MAX: variants seen among roughly 807,000 people sequenced by gnomAD.
MAX encodes the protein protein max.
Under a neutral mutation model 22.3 loss-of-function variants are expected in MAX, and 3 were observed. The ratio of observed to expected loss-of-function variants is 0.13; its 90% CI spans 0.06 to 0.35. MAX has a LOEUF of 0.35. Ranked by LOEUF, MAX falls within the 10% of genes least tolerant of loss-of-function variation. The pLI is 1.00. For missense variants in MAX, 119 were observed against 209.4 expected (o/e 0.57, Z 2.66); for synonymous variants, 72 against 77.7 (o/e 0.93, Z 0.39).
At position 65,062,174 on chromosome 14, in the gene MAX, T is replaced by C. The variant is rs11848817; in HGVS notation, c.171+31534A>G. 34,667 of 152,172 alleles carry C rather than the reference T, an allele frequency of 0.23. 7,200 individuals carry two copies. Among genetic ancestry groups the C allele is most frequent in the African/African-American group, 0.56 (23,103 of 41,286 alleles). 9.4% of individuals were successfully genotyped at this position (152,172 alleles called of 1,614,324 possible). The stretch of plus-strand genomic sequence containing the variant: ...AGGCCCTTCTGGGGGTTTCTATCTT[T>C]CTTCCACCAGACTCCAAGCCCACTC... On this transcript the variant is annotated intron_variant, in intron 3 of 3. Transcript: ENST00000341653. The surrounding 1 kb of genome is among the most constrained non-coding windows in gnomAD (Gnocchi z 4.3).
At chr14:65,066,351 C>A (rs992641215) in intron 3 of MAX, among the ~76,000 whole-genome samples, 3 of 152,200 alleles carry the variant, frequency 2.0e-5, no homozygotes, top group African/African-American at 4.8e-5. Context: ...CTCACACTTT[C>A]CTGCAGTAAC....
chr14:65,010,475 C>T (rs192918108), intron 3 of MAX, among the ~76,000 whole-genome samples: 6 of 152,352 alleles, frequency 3.9e-5, no homozygotes, highest in Admixed American at 3.3e-4. Flanking sequence ...ATCCAAAAGT[C>T]AGCTGATCAC....
intron 3 of MAX, among the ~76,000 whole-genome samples, chr14:65,065,480 C>T (rs991647936): frequency 1.3e-5 from 2 of 152,138 alleles, no homozygotes; most frequent in Non-Finnish European, 2.9e-5. Flanking sequence ...CCTAGATGGC[C>T]TACCCTACCG....
Position 65,060,889 on chromosome 14 carries a change from A to C in MAX, c.171+32819T>G, listed in dbSNP as rs58801925. On this transcript the variant is annotated intron_variant, in intron 3 of 3. Transcript: ENST00000341653. ...CTCTCTCAAAAAAAAAAAAAAAAAA[A>C]AAAAAACAGTTTGAGATAGTATTGT... Among the ~76,000 whole-genome samples, 22 of 144,450 alleles carry C rather than the reference A, an allele frequency of 1.5e-4. No homozygotes were observed. In the East Asian group the frequency reaches 1.7e-3, roughly 11 times the overall value. The allele number at this position is 144,450 out of a possible 152,430, so 94.8% of individuals were successfully genotyped here. A position where few individuals can be genotyped will look rare whatever the true frequency, so the allele number is the denominator to read the frequency against.
At chr14:65,097,532 T>C (rs2063706677) in intron 2 of MAX, among the ~76,000 whole-genome samples, 1 of 152,212 alleles carries the variant, frequency 6.6e-6, no homozygotes, top group African/African-American at 2.4e-5. Context: ...ACCATCTCAA[T>C]TCTAATACAG....
chr14:65,053,388 GGA>G, intron 3 of MAX: 3 of 1,372,994 alleles, frequency 2.2e-6, no homozygotes, highest in Non-Finnish European at 2.9e-6. Flanking sequence ...GGAGAGGGGA[GGA>G]GAGAGCAGAG....
At chr14:65,041,529 C>T (rs557692984) in intron 3 of MAX, among the ~76,000 whole-genome samples, 8 of 152,288 alleles carry the variant, frequency 5.3e-5, no homozygotes, top group African/African-American at 1.4e-4. Context: ...AGGCATTCCC[C>T]GTCATGTCAT....
At chr14:65,100,752 CA>C (rs2063808144) in intron 2 of MAX, among the ~76,000 whole-genome samples, 1 of 152,134 alleles carries the variant, frequency 6.6e-6, no homozygotes, top group Non-Finnish European at 1.5e-5. Context: ...TTTTTTCCCT[CA>C]AATCTATTCA....
Position 65,025,083 on chromosome 14 carries a change from A to G in MAX, c.172-18799T>C, listed in dbSNP as rs2061955437. 2.0e-5 allele frequency among the ~76,000 whole-genome samples: 3 copies of G among 152,188 alleles called. No homozygotes were observed. The South Asian group carries it at 6.2e-4, about 32-fold the overall frequency. On this transcript the variant is annotated intron_variant, in intron 3 of 3. Transcript: ENST00000341653. Reference sequence around the variant, plus strand: ...AGCCTTGGGATCAGAATGTTCTGTAATACGGAAGTGTCTGAGATCAAGAGA... The same window carrying G: ...AGCCTTGGGATCAGAATGTTCTGTAGTACGGAAGTGTCTGAGATCAAGAGA...
intron 3 of MAX, among the ~76,000 whole-genome samples, chr14:65,017,074 C>T (rs2061789280): frequency 1.3e-5 from 2 of 152,134 alleles, no homozygotes; most frequent in South Asian, 4.1e-4. Flanking sequence ...AGGCACCCAC[C>T]ACCGTGCCTG....
chr14:65,094,023 C>T (rs1013499977), intron 2 of MAX: 14 of 610,138 alleles, frequency 2.3e-5, no homozygotes, highest in Non-Finnish European at 3.9e-5. Context: ...GCGACAGGAA[C>T]ATCCAAAGTA....
In MAX at chr14:65,012,516, T is replaced by G; in HGVS notation, c.172-6232A>C. The G allele has an allele frequency of 2.3e-6, 3 of 1,282,878 alleles. No homozygotes were observed. Among genetic ancestry groups the G allele is most frequent in the Non-Finnish European group, 3.2e-6 (3 of 925,092 alleles). The allele number at this position is 1,282,878 out of a possible 1,614,324, so 79.5% of individuals were successfully genotyped here. A position where few individuals can be genotyped will look rare whatever the true frequency, so the allele number is the denominator to read the frequency against. ...AGTCACTCTTTGTTCTCTGTGGCTC[T>G]GGCAGGAGGTAGGGTGCTGTCACAG... is the stretch of plus-strand genomic sequence containing the variant. On this transcript the variant is annotated intron_variant, in intron 3 of 3. Coordinates refer to the MAX transcript ENST00000341653. The surrounding 1 kb of genome is among the most constrained non-coding windows in gnomAD (Gnocchi z 5.0).
chr14:65,071,543 G>A (rs575042210), downstream of MAX, among the ~76,000 whole-genome samples: 4 of 152,340 alleles, frequency 2.6e-5, no homozygotes, highest in African/African-American at 9.6e-5. This position sits in a 1 kb window ranked among gnomAD's most constrained non-coding sequence, Gnocchi z 4.2. Context: ...AGTATTAAAT[G>A]CCAGGAACAA....
At position 65,012,705 on chromosome 14, in the gene MAX, C is replaced by T. The variant is rs1452353833; in HGVS notation, c.172-6421G>A. Among the ~76,000 whole-genome samples the T allele has an allele frequency of 2.0e-5, 3 of 152,214 alleles. No individual in the cohort carries two copies. Among genetic ancestry groups the T allele is most frequent in the Admixed American group, 6.5e-5 (1 of 15,280 alleles). ...TGGCTAAATGCCAGTTACCTGTTCA[C>T]CCTTAACCCTTTGCCCTATAAGCTG... On this transcript the variant is annotated intron_variant, in intron 3 of 3. Transcript: ENST00000341653. The surrounding 1 kb of genome is among the most constrained non-coding windows in gnomAD (Gnocchi z 5.0).
At chr14:65,094,503 G>A (rs764845441) in intron 2 of MAX, among the ~76,000 whole-genome samples, 3 of 152,258 alleles carry the variant, frequency 2.0e-5, no homozygotes, top group Non-Finnish European at 4.4e-5. Flanking sequence ...CACACAGGCA[G>A]TGCCTGACAG....
In MAX at chr14:65,040,704, C is replaced by A. The variant is rs747525155; in HGVS notation, c.172-34420G>T. Reference sequence around the variant, plus strand: ...TGGTTCACACCTTAATCTGAGTGAACTTTTTCTCTGCCACCTAGGATGGTC... The same window carrying A: ...TGGTTCACACCTTAATCTGAGTGAAATTTTTCTCTGCCACCTAGGATGGTC... On this transcript the variant is annotated intron_variant, in intron 3 of 3. Transcript: ENST00000341653. 216 of 1,325,456 alleles carry A rather than the reference C, an allele frequency of 1.6e-4. 1 individual carries two copies. The highest frequency in any genetic ancestry group is 6.4e-4 in the Middle Eastern group (2 of 3,120). The allele number at this position is 1,325,456 out of a possible 1,614,324, so 82.1% of individuals were successfully genotyped here. A position where few individuals can be genotyped will look rare whatever the true frequency, so the allele number is the denominator to read the frequency against.
At chr14:65,055,911 C>T (rs2062725954) in intron 3 of MAX, among the ~76,000 whole-genome samples, 1 of 152,174 alleles carries the variant, frequency 6.6e-6, no homozygotes, top group African/African-American at 2.4e-5. Context: ...CATTCTTAAT[C>T]AGAAAAACCA....
chr14:65,053,141 G>T, intron 3 of MAX: 1 of 961,340 alleles, frequency 1.0e-6, no homozygotes, highest in Non-Finnish European at 1.4e-6. Flanking sequence ...AGGGGAGCAG[G>T]AAACCTTGAC....
At chr14:65,052,909 G>A (rs775375343) in intron 3 of MAX, among the ~76,000 whole-genome samples, 10 of 152,186 alleles carry the variant, frequency 6.6e-5, no homozygotes, top group African/African-American at 2.2e-4. Context: ...AGCAGCTACC[G>A]AGGTCAGTCT....
Sources: gnomAD v4.1 joint callset for allele counts (sites outside exome capture counted in the v4.1 genomes callset) on GRCh38, gnomAD v4.1.1 for gene constraint, Gnocchi (gnomAD v3.1) non-coding constraint, MANE v1.5 for transcripts, NCBI Gene and HGNC (gene_info 2026-07-23, HGNC 2026-07-21) for gene names.